Variants in GPC6 observed in about 807,000 individuals in gnomAD.
The protein encoded by GPC6 is glypican 6.
GPC6 carries 14 observed loss-of-function variants against 55.2 expected under a neutral mutation model. The observed-to-expected ratio is 0.25, with a 90% CI of 0.17 to 0.40. GPC6 has a LOEUF of 0.40. GPC6 is among the 10% of genes least tolerant of loss of function. The pLI, the probability that GPC6 is intolerant of heterozygous loss-of-function variation, is 1.00. For missense variants in GPC6, 641 were observed against 708.5 expected (o/e 0.90, Z 1.08); for synonymous variants, 278 against 259.6 (o/e 1.07, Z -0.68).
At chr13:94,393,378 C>T (rs1880751153) in intron 7 of GPC6, among the ~76,000 whole-genome samples, 1 of 152,204 alleles carries the variant, frequency 6.6e-6, no homozygotes, top group East Asian at 1.9e-4. Context: ...GTTTTGCTAA[C>T]AAGCAGATTG....
intron 6 of GPC6, among the ~76,000 whole-genome samples, chr13:94,307,953 G>A (rs1302801174): frequency 6.6e-6 from 1 of 152,090 alleles, no homozygotes; most frequent in Non-Finnish European, 1.5e-5. Flanking sequence ...CTAAAGATCT[G>A]AGGTACTACA....
At chr13:93,534,043 T>TG (rs1290662036) in intron 1 of GPC6, among the ~76,000 whole-genome samples, 3 of 152,072 alleles carry the variant, frequency 2.0e-5, no homozygotes, top group Non-Finnish European at 4.4e-5. Flanking sequence ...TGACTGGCTC[T>TG]GCTTGGCCTC....
intron 3 of GPC6, among the ~76,000 whole-genome samples, chr13:93,878,032 T>C (rs944158717): frequency 6.6e-6 from 1 of 152,010 alleles, no homozygotes; most frequent in African/African-American, 2.4e-5. Context: ...AATGTGAGAG[T>C]TTATCTTCAG....
intron 1 of GPC6, among the ~76,000 whole-genome samples, chr13:93,292,454 T>C (rs797019384): frequency 2.2e-4 from 33 of 152,286 alleles, no homozygotes; most frequent in African/African-American, 7.5e-4. Context: ...TCAAAATATA[T>C]ACAACAACCC....
Position 94,239,328 on chromosome 13 carries a change from G to T in GPC6, c.878-47021G>T, listed in dbSNP as rs540759347. On this transcript the variant is annotated intron_variant, in intron 4 of 8. Transcript: ENST00000377047. ...AAAGGTACTAGACAACCCACAGTGTGTCATTGTCACGAGCAAAGGAGGAGT... is the reference window on the plus strand; with the variant it reads ...AAAGGTACTAGACAACCCACAGTGTTTCATTGTCACGAGCAAAGGAGGAGT... Among the ~76,000 whole-genome samples the T allele has an allele frequency of 2.0e-5, 3 of 152,248 alleles. No individual in the cohort carries two copies. The East Asian group carries it at 5.8e-4, about 29-fold the overall frequency.
intron 4 of GPC6, among the ~76,000 whole-genome samples, chr13:94,098,526 G>A (rs946402796): frequency 3.3e-5 from 5 of 152,278 alleles, no homozygotes; most frequent in African/African-American, 1.2e-4. Context: ...GCAGACAAGA[G>A]CATGCCAGGG....
intron 2 of GPC6, among the ~76,000 whole-genome samples, chr13:93,826,074 G>T (rs1258937227): frequency 1.3e-5 from 2 of 151,806 alleles, no homozygotes; most frequent in African/African-American, 4.8e-5. Flanking sequence ...TGTCCAGGCT[G>T]GTCTCGAACT....
At chr13:94,255,099 A>C (rs1475362446) in intron 4 of GPC6, among the ~76,000 whole-genome samples, 1 of 152,212 alleles carries the variant, frequency 6.6e-6, no homozygotes, top group Non-Finnish European at 1.5e-5. Context: ...TTCAAGTCAG[A>C]AATTATTTTA....
intron 2 of GPC6, among the ~76,000 whole-genome samples, chr13:93,621,170 A>T (rs1164198498): frequency 6.6e-6 from 1 of 152,196 alleles, no homozygotes; most frequent in Non-Finnish European, 1.5e-5. Context: ...CTCAAGAGCC[A>T]GGTTGCCAGA....
chr13:94,265,283 T>A (rs1891766608), intron 4 of GPC6, among the ~76,000 whole-genome samples: 3 of 152,264 alleles, frequency 2.0e-5, no homozygotes, highest in Middle Eastern at 3.4e-3. Context: ...GTTCCCACAA[T>A]AAGCCATCTG....
chr13:93,536,416 G>A, intron 1 of GPC6, among the ~76,000 whole-genome samples: 1 of 152,002 alleles, frequency 6.6e-6, no homozygotes. Flanking sequence ...CCAGCCCCAG[G>A]TAACCACCAT....
intron 1 of GPC6, among the ~76,000 whole-genome samples, chr13:93,330,009 G>A (rs11618940): frequency 0.26 from 39,058 of 152,082 alleles, 5,592 homozygotes; most frequent in East Asian, 0.55. Context: ...CTTAGAAGTT[G>A]TACTTTACTT....
chr13:94,098,528 A>G (rs1440912885), intron 4 of GPC6, among the ~76,000 whole-genome samples: 2 of 152,194 alleles, frequency 1.3e-5, no homozygotes, highest in African/African-American at 4.8e-5. Context: ...AGACAAGAGC[A>G]TGCCAGGGAC....
intron 1 of GPC6, among the ~76,000 whole-genome samples, chr13:93,490,577 GT>G (rs747136571): frequency 1.5e-4 from 18 of 119,336 alleles, no homozygotes; most frequent in Non-Finnish European, 3.0e-4. Flanking sequence ...GTGCAGGTTA[GT>G]TACATATGTA....
At chr13:94,194,093 G>A (rs1035663706) in intron 4 of GPC6, among the ~76,000 whole-genome samples, 6 of 152,274 alleles carry the variant, frequency 3.9e-5, no homozygotes, top group East Asian at 1.9e-4. Flanking sequence ...CTCATTTGGG[G>A]AGTGTTATAT....
chr13:93,859,625 G>T (rs183909781), intron 3 of GPC6, among the ~76,000 whole-genome samples: 1 of 151,596 alleles, frequency 6.6e-6, no homozygotes, highest in Admixed American at 6.6e-5. Flanking sequence ...GTATAATTAC[G>T]CATCAGTAGT....
At chr13:94,186,153 TA>T (rs1212482187) in intron 4 of GPC6, among the ~76,000 whole-genome samples, 2 of 141,438 alleles carry the variant, frequency 1.4e-5, no homozygotes, top group Admixed American at 7.2e-5. Flanking sequence ...TGAAAAGAGG[TA>T]AAGGGTAGTC....
intron 4 of GPC6, among the ~76,000 whole-genome samples, chr13:94,264,774 G>A (rs1891745662): frequency 6.6e-6 from 1 of 152,188 alleles, no homozygotes; most frequent in South Asian, 2.1e-4. Flanking sequence ...TCATACCCAA[G>A]ACGGGTAATT....
At chr13:93,562,742 A>G (rs983810751) in intron 2 of GPC6, among the ~76,000 whole-genome samples, 24 of 152,260 alleles carry the variant, frequency 1.6e-4, no homozygotes, top group Middle Eastern at 3.4e-3. Flanking sequence ...TGTAGATAAT[A>G]TTTGTTAAGT....
Sources: allele counts gnomAD v4.1 joint callset (sites outside exome capture counted in the v4.1 genomes callset), GRCh38; gene constraint gnomAD v4.1.1; transcripts MANE v1.5; gene names NCBI Gene and HGNC (gene_info 2026-07-23, HGNC 2026-07-21).